The following PHF11 variants were observed in gnomAD, a reference collection of about 807,000 sequenced individuals.
PHF11 encodes the protein BRCA1 C-terminus-associated protein.
PHF11 carries 38 observed loss-of-function variants against 40.5 expected under a neutral mutation model. That is an observed-to-expected ratio of 0.94 (90% CI 0.72 to 1.23). The LOEUF (loss-of-function observed/expected upper bound fraction) is 1.23, where lower values mean the gene tolerates loss of function less well. Ranked by LOEUF, PHF11 falls within the 50% of genes most tolerant of loss-of-function variation. The pLI is 0.00. For missense variants in PHF11, 369 were observed against 392.4 expected, an observed-to-expected ratio of 0.94 and a Z score of 0.50; for synonymous variants, 127 against 138.2, an observed-to-expected ratio of 0.92 and a Z score of 0.57.
chr13:49,523,620 CAG>C (rs1409869275), intron 7 of PHF11: 2 of 256,146 alleles, frequency 7.8e-6, no homozygotes, highest in African/African-American at 2.3e-5. Context: ...CAAGAAGTGA[CAG>C]GGGCTGTTAT....
chr13:49,512,734 C>G lies in PHF11; in HGVS notation c.217-325C>G, dbSNP rs141005950. Among the ~76,000 whole-genome samples, 437 of 152,312 alleles carry G rather than the reference C, an allele frequency of 2.9e-3. 4 individuals are homozygous for G. Among genetic ancestry groups the G allele is most frequent in the African/African-American group, 0.01 (432 of 41,556 alleles). ...TTTGCAGACTGACTTGCTCTAACCA[C>G]GTGGCTTCAGCTATTGCTCAAAGCC... On this transcript the variant is annotated intron_variant, in intron 2 of 9. Transcript: ENST00000378319.
intron 3 of PHF11, among the ~76,000 whole-genome samples, chr13:49,515,185 G>A (rs1225480217): frequency 6.6e-6 from 1 of 152,042 alleles, no homozygotes. Context: ...AGAGAAGAGA[G>A]GAAAGTCACC....
intron 2 of PHF11, 39 bp from the exon 3 acceptor site, chr13:49,513,020 A>T: frequency 1.0e-6 from 1 of 967,150 alleles, no homozygotes; most frequent in Non-Finnish European, 1.6e-6. Context: ...TTTCAATATT[A>T]CTTTGTGCAT....
chr13:49,526,235 G>A, intron 8 of PHF11, 152 bp from the exon 9 acceptor site: 2 of 602,596 alleles, frequency 3.3e-6, no homozygotes, highest in Non-Finnish European at 6.0e-6. Context: ...CAGCTTCCCT[G>A]TAGTGCTGCT....
chr13:49,499,937 T>C (rs1958877147), intron 1 of PHF11, among the ~76,000 whole-genome samples: 1 of 152,218 alleles, frequency 6.6e-6, no homozygotes, highest in Non-Finnish European at 1.5e-5. Context: ...TGACCACGCT[T>C]CCTGGCTACC....
Position 49,496,100 on chromosome 13 carries a change from G to A in PHF11, c.94+5G>A. On this transcript the variant is annotated splice_donor_5th_base_variant and intron_variant, in intron 1 of 9. Coordinates refer to ENST00000378319, the MANE Select transcript of PHF11 (RefSeq NM_001040443.3). ...AGGCGCTCCTCCTTCCCACCGGTGTGTACCGCGGGGGCGGGCGGGCGGGCG... is the reference window on the plus strand; with the variant it reads ...AGGCGCTCCTCCTTCCCACCGGTGTATACCGCGGGGGCGGGCGGGCGGGCG... 1.7e-6 allele frequency: 2 copies of A among 1,197,842 alleles called. No homozygotes were observed. The highest frequency in any genetic ancestry group is 2.1e-6 in the Non-Finnish European group (2 of 943,752). The allele number at this position is 1,197,842 out of a possible 1,614,324, so 74.2% of individuals were successfully genotyped here.
intron 9 of PHF11, among the ~76,000 whole-genome samples, chr13:49,527,715 G>A (rs1425474604): frequency 6.6e-6 from 1 of 152,092 alleles, no homozygotes; most frequent in African/African-American, 2.4e-5. Context: ...TTTCATGTAA[G>A]GGAACATGTC....
intron 9 of PHF11, 73 bp downstream of exon 9, chr13:49,526,531 G>T: frequency 1.2e-6 from 1 of 843,264 alleles, no homozygotes; most frequent in South Asian, 1.4e-5. Flanking sequence ...ACAATATACT[G>T]TACAGGTGAT....
chr13:49,511,671 G>T (rs1959084863), intron 2 of PHF11, among the ~76,000 whole-genome samples: 1 of 152,072 alleles, frequency 6.6e-6, no homozygotes, highest in African/African-American at 2.4e-5. Flanking sequence ...TTGGGGTTAG[G>T]CATATTCTGG....
chr13:49,516,446 G>C (rs889903616), intron 3 of PHF11, among the ~76,000 whole-genome samples: 1 of 149,520 alleles, frequency 6.7e-6, no homozygotes, highest in Non-Finnish European at 1.5e-5. Context: ...TAATTTGCCA[G>C]TTACCATTTT....
intron 2 of PHF11, among the ~76,000 whole-genome samples, chr13:49,507,920 T>A (rs530131813): frequency 1.3e-5 from 2 of 152,170 alleles, no homozygotes; most frequent in Non-Finnish European, 2.9e-5. Flanking sequence ...GAGGGACGAC[T>A]GCACTATGGC....
At chr13:49,517,878 G>C (rs772433524) in intron 3 of PHF11, 140 bp from the exon 4 acceptor site, 4 of 579,902 alleles carry the variant, frequency 6.9e-6, no homozygotes, top group Non-Finnish European at 1.2e-5. Flanking sequence ...CCTAATGTTT[G>C]TAACGGGATG....
At chr13:49,504,253 C>T (rs1594202579) in intron 1 of PHF11, among the ~76,000 whole-genome samples, 1 of 151,950 alleles carries the variant, frequency 6.6e-6, no homozygotes. Flanking sequence ...TTGAGACCAG[C>T]CTGGGCAACA....
intron 9 of PHF11, among the ~76,000 whole-genome samples, chr13:49,527,553 A>ACTT: frequency 6.6e-6 from 1 of 152,258 alleles, no homozygotes; most frequent in East Asian, 1.9e-4. Flanking sequence ...CAGGAAAAAT[A>ACTT]CTTTGAAAAA....
chr13:49,516,769 G>T (rs1226818255), intron 3 of PHF11, among the ~76,000 whole-genome samples: 4 of 151,796 alleles, frequency 2.6e-5, no homozygotes, highest in Non-Finnish European at 1.5e-5. Context: ...GTTTTTTGTA[G>T]AGATGAGGTC....
At chr13:49,521,567 G>C in intron 5 of PHF11, 11 of 791,496 alleles carry the variant, frequency 1.4e-5, no homozygotes, top group Non-Finnish European at 1.5e-5. Flanking sequence ...AACTCAGCAG[G>C]AAAGGCTATT....
chr13:49,523,107 CA>C, intron 6 of PHF11, 67 bp from the exon 7 acceptor site: 1 of 1,094,944 alleles, frequency 9.1e-7, no homozygotes. Flanking sequence ...TTATGCACAG[CA>C]AAAGACTGGT....
intron 3 of PHF11, among the ~76,000 whole-genome samples, chr13:49,516,567 G>A (rs931856923): frequency 2.0e-5 from 3 of 150,340 alleles, no homozygotes; most frequent in African/African-American, 7.4e-5. Context: ...TAAAATGGAA[G>A]TTTAAAATTT....
Position 49,520,736 on chromosome 13 carries a change from G to C in PHF11, c.459-158G>C, listed in dbSNP as rs561094345. ...AACTGAGTCTCCATCTGCACTCAGT[G>C]TGGGTCACTAATTTTACACAGGGCT... is the stretch of plus-strand genomic sequence containing the variant. On this transcript the variant is annotated intron_variant, in intron 4 of 9. Coordinates refer to ENST00000378319, the MANE Select transcript of PHF11 (RefSeq NM_001040443.3). 2.0e-5 allele frequency among the ~76,000 whole-genome samples: 3 copies of C among 152,130 alleles called. No homozygotes were observed. In the East Asian group the frequency reaches 5.8e-4, roughly 29 times the overall value.
Sources: allele counts gnomAD v4.1 joint callset (sites outside exome capture counted in the v4.1 genomes callset), GRCh38; gene constraint gnomAD v4.1.1; transcripts MANE v1.5; gene names NCBI Gene and HGNC (gene_info 2026-07-23, HGNC 2026-07-21).